TENM2: variants seen among roughly 807,000 people sequenced by gnomAD.
The protein encoded by TENM2 is teneurin-2.
TENM2 carries 52 observed loss-of-function variants against 245.2 expected under a neutral mutation model. That is an observed-to-expected ratio of 0.21 (90% CI 0.17 to 0.27). The LOEUF (loss-of-function observed/expected upper bound fraction) is 0.27. Among genes scored for constraint, TENM2 ranks in the 10% least tolerant of loss-of-function variants. The probability of loss-of-function intolerance (pLI) is 1.00; values close to 1 mark genes in which losing one functional copy is unlikely to be tolerated. For synonymous variants in TENM2, 1,363 were observed against 1,438.9 expected (o/e 0.95, Z 1.19); for missense variants, 3,046 against 3,666.8 (o/e 0.83, Z 4.37).
At chr5:167,119,272 A>T in the TENM2 span, among the ~76,000 whole-genome samples, 1 of 152,228 alleles carries the variant, frequency 6.6e-6, no homozygotes, top group African/African-American at 2.4e-5. Flanking sequence ...TGAGTGCATA[A>T]TAGGTAGTGA....
chr5:167,601,891 T>C (rs908695979), intron 2 of TENM2, among the ~76,000 whole-genome samples: 1 of 151,796 alleles, frequency 6.6e-6, no homozygotes, highest in African/African-American at 2.4e-5. Flanking sequence ...TTTCCTAGAG[T>C]ACATCTATTG....
the TENM2 span, among the ~76,000 whole-genome samples, chr5:167,082,861 C>G: frequency 6.6e-6 from 1 of 152,050 alleles, no homozygotes; most frequent in Admixed American, 6.6e-5. Context: ...TTATAATTGA[C>G]TTTTAAAATA....
intron 2 of TENM2, among the ~76,000 whole-genome samples, chr5:167,568,883 G>C (rs1200536252): frequency 6.6e-6 from 1 of 151,956 alleles, no homozygotes; most frequent in South Asian, 2.1e-4. Flanking sequence ...TAAAAAGAAA[G>C]AATTAAAGGT....
chr5:167,038,500 G>A, the TENM2 span, among the ~76,000 whole-genome samples: 1 of 152,198 alleles, frequency 6.6e-6, no homozygotes, highest in Non-Finnish European at 1.5e-5. Context: ...CTGTGGAGTT[G>A]TTTAAATTAA....
chr5:168,244,288 C>A lies in TENM2; in HGVS notation c.5521-132C>A. The A allele has an allele frequency of 1.3e-6, 1 of 768,554 alleles. No homozygotes were observed. The highest frequency in any genetic ancestry group is 1.9e-6 in the Non-Finnish European group (1 of 528,104). The allele number at this position is 768,554 out of a possible 1,614,324, so 47.6% of individuals were successfully genotyped here. ...ATGATAAGGAGCTTAGAAAGCACTA[C>A]TCTAACTTTGGGGTTATTTCTTCCT... On this transcript the variant is annotated intron_variant, in intron 25 of 28. Coordinates refer to ENST00000518659, the Ensembl canonical transcript of TENM2. This position sits in a 1 kb window ranked among gnomAD's most constrained non-coding sequence, Gnocchi z 4.9.
At chr5:167,948,382 C>T (rs922167826) in intron 3 of TENM2, among the ~76,000 whole-genome samples, 1 of 152,228 alleles carries the variant, frequency 6.6e-6, no homozygotes, top group African/African-American at 2.4e-5. Flanking sequence ...AGCGCAGAAG[C>T]ACAGACCATT....
At chr5:167,932,202 TC>T (rs909001059) in intron 3 of TENM2, among the ~76,000 whole-genome samples, 2 of 152,036 alleles carry the variant, frequency 1.3e-5, no homozygotes, top group African/African-American at 4.8e-5. Context: ...AAGGTCTCAG[TC>T]CCCTACAGAC....
chr5:167,850,722 T>C (rs1156602561), intron 2 of TENM2, among the ~76,000 whole-genome samples: 1 of 152,166 alleles, frequency 6.6e-6, no homozygotes, highest in Non-Finnish European at 1.5e-5. Flanking sequence ...ACTTTCTTGA[T>C]ATTTTAAGGG....
chr5:168,011,658 C>T (rs927741244), intron 5 of TENM2, among the ~76,000 whole-genome samples: 3 of 152,118 alleles, frequency 2.0e-5, no homozygotes, highest in African/African-American at 7.2e-5. Flanking sequence ...GTCCATGGCC[C>T]TCAGTCCCCT....
At position 167,595,153 on chromosome 5, in the gene TENM2, C is replaced by T. The variant is rs527922554; in HGVS notation, c.502+219680C>T. Among the ~76,000 whole-genome samples the T allele has an allele frequency of 7.5e-4, 114 of 152,268 alleles. 1 individual carries two copies. The highest frequency in any genetic ancestry group is 2.6e-3 in the African/African-American group (109 of 41,536). On this transcript the variant is annotated intron_variant, in intron 2 of 28. Transcript: ENST00000518659. ...CTTCTTTTACATGAGCAGCTACTGTCTCTCAAGACAGCCTCTCACTTATTA... is the reference window on the plus strand; with the variant it reads ...CTTCTTTTACATGAGCAGCTACTGTTTCTCAAGACAGCCTCTCACTTATTA...
chr5:167,210,722 C>A, the TENM2 span, among the ~76,000 whole-genome samples: 1 of 152,062 alleles, frequency 6.6e-6, no homozygotes, highest in Non-Finnish European at 1.5e-5. Context: ...CTCGGCCTCC[C>A]AAAGTGCTGG....
intron 2 of TENM2, among the ~76,000 whole-genome samples, chr5:167,864,078 A>G (rs1040076714): frequency 6.6e-6 from 1 of 152,164 alleles, no homozygotes; most frequent in Non-Finnish European, 1.5e-5. Flanking sequence ...CATCTTATCA[A>G]GGACCATTCA....
intron 12 of TENM2, among the ~76,000 whole-genome samples, chr5:168,136,310 A>G (rs901983341): frequency 5.9e-5 from 9 of 152,074 alleles, no homozygotes; most frequent in Admixed American, 5.2e-4. Context: ...CTCACTCCAC[A>G]CTTTCATCCC....
At chr5:167,421,935 G>A (rs1015117345) in intron 2 of TENM2, among the ~76,000 whole-genome samples, 1 of 152,024 alleles carries the variant, frequency 6.6e-6, no homozygotes, top group Non-Finnish European at 1.5e-5. Context: ...GGAATTACAG[G>A]TGTCTGCCAC....
At chr5:167,587,356 T>C (rs2127697700) in intron 2 of TENM2, among the ~76,000 whole-genome samples, 1 of 152,350 alleles carries the variant, frequency 6.6e-6, no homozygotes, top group African/African-American at 2.4e-5. Flanking sequence ...AGGTAGTATG[T>C]CCGCTTGTTG....
chr5:167,328,383 A>G (rs1405468044), intron 1 of TENM2, among the ~76,000 whole-genome samples: 3 of 151,556 alleles, frequency 2.0e-5, no homozygotes, highest in Admixed American at 1.3e-4. Context: ...ATTTTTTTGT[A>G]TTTTTAGTAG....
chr5:167,132,305 A>G, the TENM2 span, among the ~76,000 whole-genome samples: 2 of 152,066 alleles, frequency 1.3e-5, no homozygotes, highest in Non-Finnish European at 2.9e-5. Context: ...CTCTCTCCCA[A>G]AGGTGACCCC....
At chr5:166,997,151 A>T in the TENM2 span, among the ~76,000 whole-genome samples, 3 of 152,196 alleles carry the variant, frequency 2.0e-5, no homozygotes, top group Admixed American at 6.5e-5. Flanking sequence ...ATGAAAGAAC[A>T]AAAACATCTG....
intron 12 of TENM2, among the ~76,000 whole-genome samples, chr5:168,139,819 A>G (rs1361940464): frequency 6.6e-6 from 1 of 152,246 alleles, no homozygotes; most frequent in Admixed American, 6.5e-5. Flanking sequence ...CCAGCTGAAC[A>G]TGGCCATGTA....
Sources: gnomAD v4.1 joint callset for allele counts (sites outside exome capture counted in the v4.1 genomes callset) on GRCh38, gnomAD v4.1.1 for gene constraint, Gnocchi (gnomAD v3.1) non-coding constraint, MANE v1.5 for transcripts, NCBI Gene and HGNC (gene_info 2026-07-23, HGNC 2026-07-21) for gene names.